The following SNTG2 variants were observed in gnomAD, a reference collection of about 807,000 sequenced individuals.
SNTG2 encodes gamma-2-syntrophin.
SNTG2 carries 74 observed loss-of-function variants against 70.9 expected under a neutral mutation model. That is an observed-to-expected ratio of 1.04 (90% confidence interval 0.86 to 1.27). The LOEUF is 1.27. SNTG2 is among the 50% of genes most tolerant of loss of function. The probability of loss-of-function intolerance (pLI) is 0.00; values close to 1 mark genes in which losing one functional copy is unlikely to be tolerated. For synonymous variants in SNTG2, 278 were observed against 273.8 expected, an observed-to-expected ratio of 1.02 and a Z score of -0.15; for missense variants, 717 against 690.7, an observed-to-expected ratio of 1.04 and a Z score of -0.43.
chr2:1,083,745 G>A, intron 2 of SNTG2, 90 bp downstream of exon 2: 1 of 1,437,964 alleles, frequency 7.0e-7, no homozygotes, highest in Non-Finnish European at 9.6e-7. Flanking sequence ...AATGATTGCT[G>A]AGCAAAAGCT....
chr2:1,279,180 A>G (rs1213833484), intron 14 of SNTG2, among the ~76,000 whole-genome samples: 1 of 152,002 alleles, frequency 6.6e-6, no homozygotes. Context: ...ACCACCCAGT[A>G]GTCACTTAGC....
At chr2:1,134,672 T>TC (rs1335592627) in intron 4 of SNTG2, among the ~76,000 whole-genome samples, 1 of 152,036 alleles carries the variant, frequency 6.6e-6, no homozygotes, top group African/African-American at 2.4e-5. Flanking sequence ...ACCCAGTGGA[T>TC]CCCCCACCGG....
chr2:1,143,471 G>A (rs1382339308), intron 6 of SNTG2, among the ~76,000 whole-genome samples: 1 of 151,974 alleles, frequency 6.6e-6, no homozygotes, highest in Non-Finnish European at 1.5e-5. Flanking sequence ...GAAAATGGGA[G>A]CAGCTCCAGG....
At chr2:1,093,344 CTTAAA>C (rs1365876955) in intron 2 of SNTG2, among the ~76,000 whole-genome samples, 1 of 152,042 alleles carries the variant, frequency 6.6e-6, no homozygotes, top group Non-Finnish European at 1.5e-5. Context: ...TACCCAGAAC[CTTAAA>C]TTAAAGTGAT....
chr2:975,321 A>G (rs796686832), intron 1 of SNTG2, among the ~76,000 whole-genome samples: 4 of 152,172 alleles, frequency 2.6e-5, no homozygotes, highest in African/African-American at 9.6e-5. Flanking sequence ...ATACATTTGC[A>G]CTTACACCCA....
At chr2:1,082,094 T>G (rs1664359639) in intron 1 of SNTG2, among the ~76,000 whole-genome samples, 1 of 152,126 alleles carries the variant, frequency 6.6e-6, no homozygotes, top group African/African-American at 2.4e-5. Context: ...AGGAGCAGAT[T>G]CTGGCTTGGT....
At chr2:1,342,097 T>A (rs1254120917) in intron 16 of SNTG2, among the ~76,000 whole-genome samples, 1 of 152,222 alleles carries the variant, frequency 6.6e-6, no homozygotes, top group African/African-American at 2.4e-5. Flanking sequence ...CTTTAATATT[T>A]AAAACCTTCT....
chr2:1,201,363 G>C (rs1199119006), intron 8 of SNTG2, among the ~76,000 whole-genome samples: 1 of 151,784 alleles, frequency 6.6e-6, no homozygotes, highest in Non-Finnish European at 1.5e-5. Context: ...ATGAAGTAGA[G>C]GGTAGAAGGA....
intron 6 of SNTG2, among the ~76,000 whole-genome samples, chr2:1,142,910 A>G (rs1159081606): frequency 6.6e-6 from 1 of 152,202 alleles, no homozygotes; most frequent in African/African-American, 2.4e-5. Context: ...TTAGATATGC[A>G]TGGGATAGCT....
At chr2:1,047,856 C>T (rs1661825069) in intron 1 of SNTG2, among the ~76,000 whole-genome samples, 1 of 152,064 alleles carries the variant, frequency 6.6e-6, no homozygotes, top group African/African-American at 2.4e-5. Flanking sequence ...GACTAAGGTA[C>T]ACACACAGAA....
At chr2:1,098,315 T>C in intron 3 of SNTG2, 38 bp from the exon 4 acceptor site, 2 of 1,613,868 alleles carry the variant, frequency 1.2e-6, no homozygotes, top group South Asian at 1.1e-5. Context: ...GTGTGAATCA[T>C]GATAACCACG....
At chr2:1,328,980 C>T (rs1681877316) in intron 16 of SNTG2, among the ~76,000 whole-genome samples, 1 of 152,130 alleles carries the variant, frequency 6.6e-6, no homozygotes, top group South Asian at 2.1e-4. Flanking sequence ...CACATTTACA[C>T]ACCCACACAC....
At chr2:1,053,119 C>T (rs1271218438) in intron 1 of SNTG2, among the ~76,000 whole-genome samples, 3 of 152,156 alleles carry the variant, frequency 2.0e-5, no homozygotes, top group African/African-American at 4.8e-5. Flanking sequence ...GTTTTGTCCA[C>T]GTAGGAAGGA....
intron 7 of SNTG2, among the ~76,000 whole-genome samples, chr2:1,166,403 C>T (rs1670708582): frequency 6.6e-6 from 1 of 152,148 alleles, no homozygotes; most frequent in Non-Finnish European, 1.5e-5. Flanking sequence ...GGCTGTCCTT[C>T]CTGTCACTCT....
At chr2:1,351,638 C>T (rs956719887) in intron 16 of SNTG2, among the ~76,000 whole-genome samples, 7 of 152,196 alleles carry the variant, frequency 4.6e-5, no homozygotes, top group African/African-American at 1.4e-4. Context: ...TCTACCCACT[C>T]GGCCGCATCC....
chr2:1,339,204 T>C (rs111541149), intron 16 of SNTG2, among the ~76,000 whole-genome samples: 8 of 152,320 alleles, frequency 5.3e-5, no homozygotes, highest in African/African-American at 1.4e-4. Flanking sequence ...ATTTTTAAAG[T>C]GGATTTTTTG....
intron 4 of SNTG2, among the ~76,000 whole-genome samples, chr2:1,109,834 A>T (rs894559319): frequency 1.3e-5 from 2 of 152,252 alleles, no homozygotes; most frequent in African/African-American, 4.8e-5. Flanking sequence ...AAATGGGACA[A>T]TTAGAAAATA....
chr2:1,304,354 G>A (rs755613137), intron 14 of SNTG2, among the ~76,000 whole-genome samples: 2 of 152,160 alleles, frequency 1.3e-5, no homozygotes, highest in African/African-American at 2.4e-5. Context: ...CGACTTGCCT[G>A]TCATCTCCTG....
intron 1 of SNTG2, among the ~76,000 whole-genome samples, chr2:982,090 T>C (rs1217404871): frequency 1.2e-4 from 18 of 152,264 alleles, no homozygotes; most frequent in Admixed American, 1.0e-3. Context: ...AGGCTTTTTC[T>C]TTGGCTGCTA....
Sources: allele counts gnomAD v4.1 joint callset (sites outside exome capture counted in the v4.1 genomes callset), GRCh38; gene constraint gnomAD v4.1.1; transcripts MANE v1.5; gene names NCBI Gene and HGNC (gene_info 2026-07-23, HGNC 2026-07-21).